The following CACNA1D variants were observed in gnomAD, a reference collection of about 807,000 sequenced individuals.
CACNA1D encodes the protein calcium voltage-gated channel subunit alpha1 D.
A neutral mutation model predicts 257.1 loss-of-function variants in CACNA1D; 55 were observed. That is an observed-to-expected ratio of 0.21 (90% CI 0.17 to 0.27). CACNA1D has a LOEUF of 0.27. Among genes scored for constraint, CACNA1D ranks in the 10% least tolerant of loss-of-function variants. The probability of loss-of-function intolerance (pLI) is 1.00; values close to 1 mark genes in which losing one functional copy is unlikely to be tolerated. For missense variants in CACNA1D, 1,876 were observed against 2,784.0 expected (o/e 0.67, Z 7.34); for synonymous variants, 980 against 1,014.9 (o/e 0.97, Z 0.65).
chr3:53,686,505 A>G (rs1193655649), intron 8 of CACNA1D, among the ~76,000 whole-genome samples: 2 of 152,218 alleles, frequency 1.3e-5, no homozygotes, highest in South Asian at 2.1e-4. Flanking sequence ...AGTGGGATTT[A>G]TGCCAGAAAT....
At chr3:53,706,781 C>T (rs1416079221) in intron 9 of CACNA1D, among the ~76,000 whole-genome samples, 2 of 152,150 alleles carry the variant, frequency 1.3e-5, no homozygotes, top group Non-Finnish European at 2.9e-5. Context: ...CACCCTCCCA[C>T]CCTTCTGTGT....
chr3:53,634,971 T>C (rs1052820046), intron 3 of CACNA1D, among the ~76,000 whole-genome samples: 9 of 152,170 alleles, frequency 5.9e-5, no homozygotes, highest in African/African-American at 2.2e-4. Flanking sequence ...TCAAGAAAGC[T>C]GAGGGAAGAA....
In CACNA1D at chr3:53,705,165, G is replaced by A. The variant is rs145830189; in HGVS notation, c.1390+2355G>A. ...CATTGTTAAGGCCCAGCACTCTGCTGTGTGAGCCCAGGAGGGCGCGATGAT... is the reference window on the plus strand; with the variant it reads ...CATTGTTAAGGCCCAGCACTCTGCTATGTGAGCCCAGGAGGGCGCGATGAT... On this transcript the variant is annotated intron_variant, in intron 9 of 47. Coordinates refer to ENST00000350061, the MANE Select transcript of CACNA1D (RefSeq NM_001128840.3). Among the ~76,000 whole-genome samples, 163 of 152,266 alleles carry A rather than the reference G, an allele frequency of 1.1e-3. 2 individuals are homozygous for A. The highest frequency in any genetic ancestry group is 1.6e-3 in the Non-Finnish European group (109 of 68,022).
intron 3 of CACNA1D, among the ~76,000 whole-genome samples, chr3:53,556,987 A>AT (rs1329519949): frequency 7.9e-5 from 12 of 151,846 alleles, no homozygotes; most frequent in African/African-American, 2.9e-4. Flanking sequence ...AAGTGCTGGG[A>AT]TTACAGGCAT....
intron 3 of CACNA1D, among the ~76,000 whole-genome samples, chr3:53,503,384 C>T (rs1031123152): frequency 6.6e-6 from 1 of 152,186 alleles, no homozygotes; most frequent in Non-Finnish European, 1.5e-5. Flanking sequence ...GAAAGCCTCC[C>T]ATCAATGGAG....
chr3:53,614,308 G>T (rs547127711), intron 3 of CACNA1D, among the ~76,000 whole-genome samples: 1 of 152,278 alleles, frequency 6.6e-6, no homozygotes, highest in South Asian at 2.1e-4. Context: ...CTCTGGTCCT[G>T]TGCTGGTAGA....
In CACNA1D at chr3:53,562,991, C is replaced by T. The variant is rs2092767672; in HGVS notation, c.483+61271C>T. ...GTCCAGAAGAGAAAATCTGTGACCACTTGGCCTGTAACCGAATTTGCCTAT... is the reference window on the plus strand; with the variant it reads ...GTCCAGAAGAGAAAATCTGTGACCATTTGGCCTGTAACCGAATTTGCCTAT... On this transcript the variant is annotated intron_variant, in intron 3 of 47. Transcript: ENST00000350061. 3.9e-5 allele frequency among the ~76,000 whole-genome samples: 6 copies of T among 152,320 alleles called. No homozygotes were observed. The South Asian group carries it at 1.2e-3, about 32-fold the overall frequency.
At chr3:53,608,665 C>T (rs1415590844) in intron 3 of CACNA1D, among the ~76,000 whole-genome samples, 1 of 152,120 alleles carries the variant, frequency 6.6e-6, no homozygotes, top group African/African-American at 2.4e-5. Context: ...ATTTCTATTT[C>T]TCAGGAGCTT....
At chr3:53,655,543 A>ATT (rs2094139891) in intron 4 of CACNA1D, among the ~76,000 whole-genome samples, 1 of 152,138 alleles carries the variant, frequency 6.6e-6, no homozygotes, top group African/African-American at 2.4e-5. Flanking sequence ...CGTGGTTTTG[A>ATT]TTTGCACTTC....
chr3:53,530,646 T>G (rs1234203861), intron 3 of CACNA1D, among the ~76,000 whole-genome samples: 1 of 152,086 alleles, frequency 6.6e-6, no homozygotes, highest in Non-Finnish European at 1.5e-5. Flanking sequence ...CTTCCATGGG[T>G]GGTGGGTGGT....
chr3:53,655,196 A>G (rs1024249970), intron 4 of CACNA1D, among the ~76,000 whole-genome samples: 1 of 152,040 alleles, frequency 6.6e-6, no homozygotes, highest in Non-Finnish European at 1.5e-5. Context: ...TGTGTATCAC[A>G]TTTTCTTTAT....
intron 3 of CACNA1D, among the ~76,000 whole-genome samples, chr3:53,562,433 G>GT (rs1406802601): frequency 6.6e-6 from 1 of 152,194 alleles, no homozygotes; most frequent in African/African-American, 2.4e-5. Context: ...ATTGAAGTGG[G>GT]TTTTTTATTA....
intron 3 of CACNA1D, among the ~76,000 whole-genome samples, chr3:53,539,170 C>T (rs1220347965): frequency 1.3e-5 from 2 of 151,924 alleles, no homozygotes; most frequent in Non-Finnish European, 1.5e-5. Context: ...AGTGCAGTGG[C>T]GTGATTTCAG....
At chr3:53,683,323 A>C (rs2094448921) in intron 8 of CACNA1D, among the ~76,000 whole-genome samples, 2 of 152,192 alleles carry the variant, frequency 1.3e-5, no homozygotes, top group Admixed American at 1.3e-4. Context: ...GGGTACTGAG[A>C]CTTCAGAAAC....
chr3:53,804,134 G>A (rs1021462334), intron 44 of CACNA1D, among the ~76,000 whole-genome samples: 2 of 152,202 alleles, frequency 1.3e-5, no homozygotes, highest in Non-Finnish European at 2.9e-5. Context: ...GGCGTAGCAG[G>A]CGGCACAGGC....
Position 53,767,975 on chromosome 3 carries a change from T to C in CACNA1D, c.3871-1998T>C, listed in dbSNP as rs144129378. Among the ~76,000 whole-genome samples, 242 of 152,312 alleles carry C rather than the reference T, an allele frequency of 1.6e-3. 1 individual carries two copies. The highest frequency in any genetic ancestry group is 5.7e-3 in the African/African-American group (235 of 41,574). On this transcript the variant is annotated intron_variant, in intron 30 of 47. Coordinates refer to ENST00000350061, the MANE Select transcript of CACNA1D (RefSeq NM_001128840.3). ...TCGCATGTTGTGCTGCCCTCTCCCT[T>C]TACAAATGCTGTCTCCTCTTCCCTT...
intron 8 of CACNA1D, among the ~76,000 whole-genome samples, chr3:53,700,698 A>G (rs889253571): frequency 1.3e-5 from 2 of 151,842 alleles, no homozygotes; most frequent in African/African-American, 4.8e-5. Flanking sequence ...GCTCCTGCTC[A>G]CTCTCTAGAT....
intron 3 of CACNA1D, among the ~76,000 whole-genome samples, chr3:53,505,481 A>G (rs963743251): frequency 1.3e-5 from 2 of 152,178 alleles, no homozygotes; most frequent in African/African-American, 4.8e-5. Context: ...ATCCCCAGCC[A>G]TGCCTGATGC....
At chr3:53,547,087 T>C (rs1240929387) in intron 3 of CACNA1D, among the ~76,000 whole-genome samples, 1 of 152,188 alleles carries the variant, frequency 6.6e-6, no homozygotes, top group Non-Finnish European at 1.5e-5. Context: ...TGGAGGCTCA[T>C]GTATGTTGAG....
Sources: gnomAD v4.1 joint callset for allele counts (sites outside exome capture counted in the v4.1 genomes callset) on GRCh38, gnomAD v4.1.1 for gene constraint, MANE v1.5 for transcripts, NCBI Gene and HGNC (gene_info 2026-07-23, HGNC 2026-07-21) for gene names.